The following OLFM4 variants were observed in gnomAD, a reference collection of about 807,000 sequenced individuals.
OLFM4 encodes olfactomedin 4.
OLFM4 carries 22 observed loss-of-function variants against 25.5 expected under a neutral mutation model. The ratio of observed to expected loss-of-function variants is 0.86; its 90% CI spans 0.62 to 1.23. OLFM4 has a LOEUF of 1.23. OLFM4 is among the 50% of genes most tolerant of loss of function. OLFM4 has a pLI of 0.00. For missense variants in OLFM4, 594 were observed against 619.4 expected, an observed-to-expected ratio of 0.96 and a Z score of 0.44; for synonymous variants, 255 against 237.7, an observed-to-expected ratio of 1.07 and a Z score of -0.67.
rs567494530 is a variant in OLFM4, at chr13:53,051,909, T to C, written c.*1138T>C. 2 of 152,292 alleles carry C rather than the reference T, an allele frequency of 1.3e-5. No homozygotes were observed. Among genetic ancestry groups the C allele is most frequent in the African/African-American group, 4.8e-5 (2 of 41,560 alleles). 9.4% of individuals were successfully genotyped at this position (152,292 alleles called of 1,614,324 possible). On this transcript the variant is annotated 3_prime_UTR_variant, in exon 5 of 5. Coordinates refer to ENST00000219022, the MANE Select transcript of OLFM4 (RefSeq NM_006418.5). Reference sequence around the variant, plus strand: ...AGTAGTTGGAAACCTTGCTGGTGTATGTGATGTGCTTCTGTGCTTTTGAAT... The same window carrying C: ...AGTAGTTGGAAACCTTGCTGGTGTACGTGATGTGCTTCTGTGCTTTTGAAT...
At chr13:53,032,380 T>C (rs4632028) in intron 1 of OLFM4, among the ~76,000 whole-genome samples, 12,641 of 152,236 alleles carry the variant, frequency 0.083, 938 homozygotes, top group East Asian at 0.29. Flanking sequence ...AATAAGCTAT[T>C]TCTTCAAAAG....
chr13:53,037,964 G>A (rs1593479132), intron 2 of OLFM4, among the ~76,000 whole-genome samples: 2 of 152,102 alleles, frequency 1.3e-5, no homozygotes, highest in Admixed American at 1.3e-4. Flanking sequence ...TCAAATCAAC[G>A]CTCACACAAA....
At chr13:53,043,514 G>A (rs9591494) in intron 4 of OLFM4, among the ~76,000 whole-genome samples, 5,968 of 151,998 alleles carry the variant, frequency 0.039, 148 homozygotes, top group East Asian at 0.078. Flanking sequence ...CAAAATCCAC[G>A]AGTTACACGT....
At position 53,050,179 on chromosome 13, in the gene OLFM4, T is replaced by G. The variant is rs746257650; in HGVS notation, c.941T>G (p.Leu314Trp). ...RLYNTLDDLLLYINARELRIT... is the reference protein window; with the variant it reads ...RLYNTLDDLLWYINARELRIT... ...TACAACACACTGGATGATTTGCTAT[T>G]GTATATAAATGCTCGAGAGTTGCGG... is the stretch of plus-strand genomic sequence containing the variant. The change falls in exon 5 of 5, where the codon TTG (leucine) becomes TGG (tryptophan). Residue 314 changes from leucine (L) to tryptophan (W), a missense_variant. Transcript: ENST00000219022. The G allele has an allele frequency of 2.5e-6, 4 of 1,613,932 alleles. No homozygotes were observed.
intron 1 of OLFM4, 50 bp downstream of exon 1, chr13:53,029,090 G>A: frequency 1.9e-6 from 3 of 1,604,692 alleles, no homozygotes; most frequent in Non-Finnish European, 2.5e-6. Context: ...CCTTCCATTT[G>A]CTTTTGGGTA....
chr13:53,034,371 C>T lies in OLFM4; in HGVS notation c.228C>T (p.Ser76=), dbSNP rs9596754. 697 of 1,613,268 alleles carry T rather than the reference C, an allele frequency of 4.3e-4. 5 individuals carry two copies. In the African/African-American group the frequency reaches 8.4e-3, roughly 19 times the overall value. Residue 76 remains serine, a synonymous_variant, in exon 2 of 5, where the codon TCC becomes TCT. Transcript: ENST00000219022. ...VSQLFSNFTG[S]VDDRGTCQCS... ...AGTTGTTTTCCAATTTCACCGGCTC[C>T]GTGGATGACCGTGGGACCTGCCAGT...
chr13:53,041,608 C>G (rs976617742), intron 2 of OLFM4, among the ~76,000 whole-genome samples: 1 of 152,150 alleles, frequency 6.6e-6, no homozygotes, highest in East Asian at 1.9e-4. Flanking sequence ...TGGGTATATA[C>G]CCCTGAGCCT....
chr13:53,033,444 C>T (rs1473219867), intron 1 of OLFM4, among the ~76,000 whole-genome samples: 1 of 152,132 alleles, frequency 6.6e-6, no homozygotes, highest in Non-Finnish European at 1.5e-5. Flanking sequence ...CACTGTAGCC[C>T]ACATCTTTGG....
At position 53,031,302 on chromosome 13, in the gene OLFM4, C is replaced by T. The variant is rs560260781; in HGVS notation, c.204+2262C>T. Among the ~76,000 whole-genome samples, 257 of 152,228 alleles carry T rather than the reference C, an allele frequency of 1.7e-3. 1 individual carries two copies. The highest frequency in any genetic ancestry group is 6.0e-3 in the African/African-American group (248 of 41,536). ...GCTCTTTGGAAGGTGGTAGAAAACC[C>T]TTTTATAACTGTCATTGAGTAAGTT... On this transcript the variant is annotated intron_variant, in intron 1 of 4. Transcript: ENST00000219022.
rs147184057 is a variant in OLFM4, at chr13:53,050,111, G to A, written c.873G>A (p.Ala291=). Residue 291 remains alanine, a synonymous_variant, in exon 5 of 5, where the codon GCG becomes GCA. Coordinates refer to ENST00000219022, the MANE Select transcript of OLFM4 (RefSeq NM_006418.5). ...QHPNKGLYWV[A]PLNTDGRLLE... ...CAAACAAAGGACTGTATTGGGTGGC[G>A]CCATTGAATACAGATGGGAGACTGT... The A allele has an allele frequency of 1.2e-4, 199 of 1,613,898 alleles. 1 individual carries two copies. The highest frequency in any genetic ancestry group is 3.6e-4 in the East Asian group (16 of 44,874).
intron 2 of OLFM4, 51 bp from the exon 3 acceptor site, chr13:53,041,859 T>C (rs1566318283): frequency 7.8e-7 from 1 of 1,290,280 alleles, no homozygotes; most frequent in East Asian, 2.3e-5. Flanking sequence ...TGGAAGAAGA[T>C]GGTGTGATAC....
intron 4 of OLFM4, among the ~76,000 whole-genome samples, chr13:53,047,542 G>A (rs1362976965): frequency 3.3e-5 from 5 of 152,054 alleles, no homozygotes; most frequent in African/African-American, 1.2e-4. Flanking sequence ...ACCCATAGAG[G>A]ATAAAAGGAG....
Position 53,051,090 on chromosome 13 carries a change from T to G in OLFM4, c.*319T>G, listed in dbSNP as rs182234305. The G allele has an allele frequency of 1.4e-4, 34 of 236,210 alleles. No individual in the cohort carries two copies. The Admixed American group carries it at 1.5e-3, about 10-fold the overall frequency. 14.6% of individuals were successfully genotyped at this position (236,210 alleles called of 1,614,324 possible). The stretch of plus-strand genomic sequence containing the variant: ...GCCTTAAATTAGGAATTAAGGAACT[T>G]AAAACTCAGTATGGCGTCTAGGGAT... On this transcript the variant is annotated 3_prime_UTR_variant, in exon 5 of 5. Transcript: ENST00000219022.
At position 53,051,365 on chromosome 13, in the gene OLFM4, C is replaced by A. The variant is rs1954747595; in HGVS notation, c.*594C>A. 1 of 152,080 alleles carries A rather than the reference C, an allele frequency of 6.6e-6. No individual in the cohort carries two copies. The highest frequency in any genetic ancestry group is 1.5e-5 in the Non-Finnish European group (1 of 68,006). The allele number at this position is 152,080 out of a possible 1,614,324, so 9.4% of individuals were successfully genotyped here. Reference sequence around the variant, plus strand: ...AAGTGCTGAGTTTTATGGAGAGAGGCCTTTTTATGCATTAAATTGTACATG... The same window carrying A: ...AAGTGCTGAGTTTTATGGAGAGAGGACTTTTTATGCATTAAATTGTACATG... On this transcript the variant is annotated 3_prime_UTR_variant, in exon 5 of 5. Coordinates refer to ENST00000219022, the MANE Select transcript of OLFM4 (RefSeq NM_006418.5).
At chr13:53,034,056 CAAAA>C (rs397851637) in intron 1 of OLFM4, among the ~76,000 whole-genome samples, 57 of 41,018 alleles carry the variant, frequency 1.4e-3, no homozygotes, top group Admixed American at 3.0e-3. Context: ...GACTCCGTCT[CAAAA>C]AAAAAAAAAA....
chr13:53,041,736 C>A (rs966759064), intron 2 of OLFM4, among the ~76,000 whole-genome samples, 174 bp from the exon 3 acceptor site: 2 of 152,114 alleles, frequency 1.3e-5, no homozygotes, highest in East Asian at 3.8e-4. Context: ...GTAATAAGTT[C>A]TTTGTATATG....
At chr13:53,030,218 G>GA (rs1197918639) in intron 1 of OLFM4, among the ~76,000 whole-genome samples, 2 of 152,214 alleles carry the variant, frequency 1.3e-5, no homozygotes, top group African/African-American at 4.8e-5. Context: ...GGCCTAGATA[G>GA]AAACAGCAGC....
chr13:53,035,157 C>T (rs1954651691), intron 2 of OLFM4, among the ~76,000 whole-genome samples: 1 of 151,798 alleles, frequency 6.6e-6, no homozygotes, highest in African/African-American at 2.4e-5. Flanking sequence ...CCTCCTCCCT[C>T]CCTCTCTCTT....
intron 2 of OLFM4, among the ~76,000 whole-genome samples, chr13:53,036,887 T>C (rs1222596358): frequency 6.6e-6 from 1 of 152,228 alleles, no homozygotes; most frequent in Non-Finnish European, 1.5e-5. Context: ...TCTTGGCTGG[T>C]TAAGCCAGGT....
Sources: gnomAD v4.1 joint callset for allele counts (sites outside exome capture counted in the v4.1 genomes callset) on GRCh38, gnomAD v4.1.1 for gene constraint, MANE v1.5 for transcripts, NCBI Gene and HGNC (gene_info 2026-07-23, HGNC 2026-07-21) for gene names.